Variants in DENND5B observed in about 807,000 individuals in gnomAD.
The protein encoded by DENND5B is DENN domain containing 5B, also known as DENN domain-containing protein 5B.
A neutral mutation model predicts 140.6 loss-of-function variants in DENND5B; 34 were observed. The observed-to-expected ratio is 0.24, with a 90% CI of 0.18 to 0.32. The LOEUF (loss-of-function observed/expected upper bound fraction) is 0.32. DENND5B is among the 10% of genes least tolerant of loss of function. The probability of loss-of-function intolerance (pLI) is 1.00; values close to 1 mark genes in which losing one functional copy is unlikely to be tolerated. For synonymous variants in DENND5B, 551 were observed against 562.1 expected, an observed-to-expected ratio of 0.98 and a Z score of 0.28; for missense variants, 1,142 against 1,560.2, an observed-to-expected ratio of 0.73 and a Z score of 4.52.
intron 3 of DENND5B, among the ~76,000 whole-genome samples, chr12:31,463,371 A>G (rs1351938849): frequency 6.6e-6 from 1 of 152,124 alleles, no homozygotes; most frequent in Non-Finnish European, 1.5e-5. Context: ...AAATCCAGAG[A>G]AATCTCCTTA....
intron 1 of DENND5B, among the ~76,000 whole-genome samples, chr12:31,508,818 A>G (rs376041392): frequency 6.6e-6 from 1 of 152,296 alleles, no homozygotes; most frequent in African/African-American, 2.4e-5. Flanking sequence ...ATCACACATC[A>G]CATATATCAG....
chr12:31,502,555 T>C (rs1440442327), intron 1 of DENND5B, among the ~76,000 whole-genome samples: 1 of 152,204 alleles, frequency 6.6e-6, no homozygotes, highest in Non-Finnish European at 1.5e-5. Flanking sequence ...GAATGTCTTT[T>C]ATTGGTTACT....
chr12:31,540,794 TCAAATTATACTACA>T, intron 1 of DENND5B: 1 of 157,996 alleles, frequency 6.3e-6, no homozygotes, highest in South Asian at 1.6e-4. Flanking sequence ...TTACCTGACT[TCAAATTATACTACA>T]GTTAGAGTAA....
intron 3 of DENND5B, among the ~76,000 whole-genome samples, chr12:31,469,009 G>T (rs1945414470): frequency 6.6e-6 from 1 of 152,052 alleles, no homozygotes; most frequent in South Asian, 2.1e-4. Context: ...TTTTCTTAGA[G>T]AAAATAGCAA....
intron 1 of DENND5B, chr12:31,590,487 T>C (rs1950581217): frequency 4.0e-6 from 2 of 499,114 alleles, no homozygotes; most frequent in South Asian, 3.4e-5. Context: ...ACCCAGCGCC[T>C]GGAGGCGAAA....
intron 14 of DENND5B, among the ~76,000 whole-genome samples, chr12:31,408,798 G>A (rs984987788): frequency 1.4e-4 from 21 of 152,106 alleles, no homozygotes; most frequent in Admixed American, 1.4e-3. Context: ...ATCTATTGTA[G>A]GTAACATTTC....
At chr12:31,497,711 C>G (rs1178725215) in intron 1 of DENND5B, among the ~76,000 whole-genome samples, 1 of 140,140 alleles carries the variant, frequency 7.1e-6, no homozygotes, top group East Asian at 2.1e-4. Flanking sequence ...GTGGGCAGAT[C>G]ACTTGAGACC....
intron 1 of DENND5B, among the ~76,000 whole-genome samples, chr12:31,574,263 T>TAAAAAA (rs1419001301): frequency 8.3e-5 from 4 of 48,004 alleles, no homozygotes; most frequent in African/African-American, 4.7e-4. Flanking sequence ...ACCCTGTCTC[T>TAAAAAA]AAAAAATAAT....
chr12:31,393,299 T>C (rs1331664297), intron 17 of DENND5B, among the ~76,000 whole-genome samples: 1 of 152,164 alleles, frequency 6.6e-6, no homozygotes, highest in Non-Finnish European at 1.5e-5. Flanking sequence ...GAAGATTTGC[T>C]GTTGTGTTTA....
At chr12:31,437,790 CTAA>C (rs946152846) in intron 7 of DENND5B, among the ~76,000 whole-genome samples, 3 of 152,076 alleles carry the variant, frequency 2.0e-5, no homozygotes, top group Non-Finnish European at 4.4e-5. Context: ...TATGAGAATG[CTAA>C]TGATACAGTA....
chr12:31,568,828 T>C (rs1004807912), intron 1 of DENND5B, among the ~76,000 whole-genome samples: 6 of 152,334 alleles, frequency 3.9e-5, no homozygotes, highest in African/African-American at 1.4e-4. Context: ...CACAGCATTC[T>C]AACTGATAGA....
At chr12:31,567,891 G>A (rs1383307341) in intron 1 of DENND5B, among the ~76,000 whole-genome samples, 2 of 152,050 alleles carry the variant, frequency 1.3e-5, no homozygotes, top group Non-Finnish European at 2.9e-5. Flanking sequence ...GTAGAGACAG[G>A]GTCTTGCTTT....
intron 4 of DENND5B, among the ~76,000 whole-genome samples, chr12:31,456,321 CT>C (rs1177470841): frequency 5.4e-5 from 6 of 111,274 alleles, no homozygotes; most frequent in Non-Finnish European, 7.4e-5. Context: ...CAGAGTGAGA[CT>C]CCGTCTCAAA....
chr12:31,528,604 A>G (rs992419599), intron 1 of DENND5B, among the ~76,000 whole-genome samples: 5 of 152,212 alleles, frequency 3.3e-5, no homozygotes, highest in African/African-American at 1.2e-4. Context: ...GAACAGACCA[A>G]ACACGGAGTA....
chr12:31,438,209 G>A (rs1057282566), intron 7 of DENND5B, among the ~76,000 whole-genome samples: 1 of 152,182 alleles, frequency 6.6e-6, no homozygotes, highest in Non-Finnish European at 1.5e-5. Flanking sequence ...TCCTGACCTT[G>A]TTATCCACCT....
intron 1 of DENND5B, among the ~76,000 whole-genome samples, chr12:31,545,181 AGAT>A (rs1397867092): frequency 6.6e-6 from 1 of 152,170 alleles, no homozygotes; most frequent in Non-Finnish European, 1.5e-5. Flanking sequence ...ACGTACAAAA[AGAT>A]GATGTTAGCA....
intron 20 of DENND5B, among the ~76,000 whole-genome samples, chr12:31,388,588 C>T (rs1278838993): frequency 6.6e-6 from 1 of 152,008 alleles, no homozygotes; most frequent in Non-Finnish European, 1.5e-5. Context: ...TCTTCAGTCT[C>T]AAGTTGGGGC....
At chr12:31,443,029 A>G (rs1944108468) in intron 6 of DENND5B, 104 bp from the exon 7 acceptor site, 1 of 1,033,040 alleles carries the variant, frequency 9.7e-7, no homozygotes. Flanking sequence ...TCACTCTGAC[A>G]CTCTGAAACA....
intron 3 of DENND5B, among the ~76,000 whole-genome samples, chr12:31,466,914 A>C (rs769072359): frequency 6.6e-6 from 1 of 152,164 alleles, no homozygotes; most frequent in Non-Finnish European, 1.5e-5. Flanking sequence ...AAAGACAGAA[A>C]ATCTTAAATA....
Sources: allele counts gnomAD v4.1 joint callset (sites outside exome capture counted in the v4.1 genomes callset), GRCh38; gene constraint gnomAD v4.1.1; transcripts MANE v1.5; gene names NCBI Gene and HGNC (gene_info 2026-07-23, HGNC 2026-07-21).